Variants in BRAF observed in about 807,000 individuals in gnomAD.
The protein encoded by BRAF is serine/threonine-protein kinase B-raf.
A neutral mutation model predicts 104.6 loss-of-function variants in BRAF; 16 were observed. That is an observed-to-expected ratio of 0.15 (90% CI 0.10 to 0.23). BRAF has a LOEUF of 0.23. BRAF is among the 10% of genes least tolerant of loss of function. The pLI, the probability that BRAF is intolerant of heterozygous loss-of-function variation, is 1.00. For synonymous variants in BRAF, 310 were observed against 341.6 expected (o/e 0.91, Z 1.02); for missense variants, 541 against 937.3 (o/e 0.58, Z 5.52).
At chr7:140,876,267 T>C (rs1000963781) in intron 1 of BRAF, among the ~76,000 whole-genome samples, 1 of 152,246 alleles carries the variant, frequency 6.6e-6, no homozygotes, top group East Asian at 1.9e-4. Context: ...GTGAAAATGT[T>C]AAGTTTTTAT....
intron 7 of BRAF, among the ~76,000 whole-genome samples, chr7:140,797,812 G>A (rs899879098): frequency 6.6e-6 from 1 of 152,038 alleles, no homozygotes; most frequent in Admixed American, 6.6e-5. Context: ...TCTGTCAGGA[G>A]AAAATATTAT....
At position 140,856,185 on chromosome 7, in the gene BRAF, G is replaced by A. The variant is rs373500065; in HGVS notation, c.139-5973C>T. 6.6e-5 allele frequency among the ~76,000 whole-genome samples: 10 copies of A among 151,000 alleles called. No individual in the cohort carries two copies. The South Asian group carries it at 8.4e-4, about 13-fold the overall frequency. On this transcript the variant is annotated intron_variant, in intron 1 of 19. Coordinates refer to ENST00000644969, the MANE Select transcript of BRAF (RefSeq NM_001374258.1). ...AATCCAGTAACATAATACTTAATAG[G>A]TCAAAGGGGAAAACTACAGGACTAG...
intron 3 of BRAF, among the ~76,000 whole-genome samples, chr7:140,815,657 A>C (rs1804802042): frequency 6.7e-6 from 1 of 148,468 alleles, no homozygotes; most frequent in South Asian, 2.1e-4. Context: ...GCTGGTCTCG[A>C]ACTCCTTACC....
downstream of BRAF, among the ~76,000 whole-genome samples, chr7:140,714,453 A>AAACT (rs1321624881): frequency 6.6e-6 from 1 of 152,096 alleles, no homozygotes; most frequent in Non-Finnish European, 1.5e-5. Flanking sequence ...CTGCAGCCTC[A>AAACT]AACTAACTTC....
chr7:140,924,641 C>G lies in BRAF; in HGVS notation c.63G>C (p.Gly21=). Residue 21 remains glycine (G), a synonymous_variant, in exon 1 of 20, where the codon GGG becomes GGC. Transcript: ENST00000644969. The surrounding 1 kb of genome is among the most constrained non-coding windows in gnomAD (Gnocchi z 4.2). ...CGGCGCCGGCCTCGGGCTCCATGTC[C>G]CCGTTGAACAGAGCCTGGCCCGGCT... ...GAEPGQALFN[G]DMEPEAGAGA... The G allele has an allele frequency of 1.3e-6, 2 of 1,485,098 alleles. No individual in the cohort carries two copies. The highest frequency in any genetic ancestry group is 1.8e-6 in the Non-Finnish European group (2 of 1,104,646). The allele number at this position is 1,485,098 out of a possible 1,614,324, so 92.0% of individuals were successfully genotyped here.
rs991656499 is a variant in BRAF at position 140,924,803 on chromosome 7, G to A, written c.-100C>T. The A allele has an allele frequency of 9.1e-4, 404 of 444,722 alleles. 2 individuals are homozygous for A. The highest frequency in any genetic ancestry group is 1.0e-3 in the Non-Finnish European group (260 of 256,446). 27.5% of individuals were successfully genotyped at this position (444,722 alleles called of 1,614,324 possible). A position where few individuals can be genotyped will look rare whatever the true frequency, so the allele number is the denominator to read the frequency against. ...GGCGGAGGCGGAGGCGGAGGCGGAG[G>A]AGCGGGGGGCGCGGGGGGCGCGGGG... On this transcript the variant is annotated 5_prime_UTR_variant, in exon 1 of 20. Transcript: ENST00000644969. The surrounding 1 kb of genome is among the most constrained non-coding windows in gnomAD (Gnocchi z 4.2).
At chr7:140,898,197 TA>T (rs1185834958) in intron 1 of BRAF, among the ~76,000 whole-genome samples, 1 of 151,830 alleles carries the variant, frequency 6.6e-6, no homozygotes, top group Non-Finnish European at 1.5e-5. Context: ...GCTTGCCTCT[TA>T]AAAAAATAAA....
chr7:140,716,176 C>T (rs1361152378), downstream of BRAF, among the ~76,000 whole-genome samples: 1 of 152,334 alleles, frequency 6.6e-6, no homozygotes, highest in South Asian at 2.1e-4. Context: ...ACTGATTTTA[C>T]AGCCTACTAA....
intron 19 of BRAF, chr7:140,732,395 C>G (rs892077762): frequency 4.0e-5 from 6 of 151,624 alleles, no homozygotes; most frequent in African/African-American, 9.7e-5. Flanking sequence ...AAACAAAACC[C>G]AAGAACAAAT....
chr7:140,767,178 A>AT (rs1799416120), intron 14 of BRAF, among the ~76,000 whole-genome samples: 1 of 151,296 alleles, frequency 6.6e-6, no homozygotes, highest in African/African-American at 2.4e-5. Flanking sequence ...TAATTTTTGT[A>AT]TTTTTTGGTA....
chr7:140,728,665 T>C (rs1325817784), intron 19 of BRAF, among the ~76,000 whole-genome samples: 1 of 152,188 alleles, frequency 6.6e-6, no homozygotes, highest in Non-Finnish European at 1.5e-5. Flanking sequence ...ATTCTTACTA[T>C]TGTTGCTTAC....
chr7:140,718,244 GCCA>G (rs1795179840), downstream of BRAF, among the ~76,000 whole-genome samples: 1 of 152,000 alleles, frequency 6.6e-6, no homozygotes, highest in Non-Finnish European at 1.5e-5. Context: ...ACAGGTGCTG[GCCA>G]CCATGCCCAG....
intron 16 of BRAF, 143 bp from the exon 16 acceptor site, chr7:140,749,561 TA>T: frequency 1.1e-6 from 1 of 881,496 alleles, no homozygotes; most frequent in East Asian, 2.7e-5. Flanking sequence ...GTCAAAGAAA[TA>T]AAACTGATTA....
In BRAF at chr7:140,924,787, G is replaced by T; in HGVS notation, c.-84C>A. 2.0e-6 allele frequency: 1 copy of T among 491,188 alleles called. No individual in the cohort carries two copies. The highest frequency in any genetic ancestry group is 3.5e-6 in the Non-Finnish European group (1 of 283,106). The allele number at this position is 491,188 out of a possible 1,614,324, so 30.4% of individuals were successfully genotyped here. Reference sequence around the variant, plus strand: ...GCGGAGAGCTGGGGGAGGCGGAGGCGGAGGCGGAGGCGGAGGAGCGGGGGG... The same window carrying T: ...GCGGAGAGCTGGGGGAGGCGGAGGCTGAGGCGGAGGCGGAGGAGCGGGGGG... On this transcript the variant is annotated 5_prime_UTR_variant, in exon 1 of 20. Coordinates refer to ENST00000644969, the MANE Select transcript of BRAF (RefSeq NM_001374258.1). The surrounding 1 kb of genome is among the most constrained non-coding windows in gnomAD (Gnocchi z 4.2).
At chr7:140,761,397 A>C (rs1270837551) in intron 14 of BRAF, among the ~76,000 whole-genome samples, 3 of 152,296 alleles carry the variant, frequency 2.0e-5, no homozygotes, top group African/African-American at 7.2e-5. Flanking sequence ...AGCACTAAAC[A>C]TGGAAAGGAA....
chr7:140,841,902 T>C (rs1297733235), intron 2 of BRAF, among the ~76,000 whole-genome samples: 1 of 152,186 alleles, frequency 6.6e-6, no homozygotes, highest in Non-Finnish European at 1.5e-5. Context: ...AATCTAAGGA[T>C]CTATTTAATT....
At chr7:140,735,713 T>C (rs1796353095) in intron 18 of BRAF, among the ~76,000 whole-genome samples, 1 of 151,300 alleles carries the variant, frequency 6.6e-6, no homozygotes. Flanking sequence ...CGCACCACCA[T>C]GCCCAGCTAA....
At chr7:140,855,284 G>A (rs1809649558) in intron 1 of BRAF, among the ~76,000 whole-genome samples, 1 of 151,882 alleles carries the variant, frequency 6.6e-6, no homozygotes, top group Non-Finnish European at 1.5e-5. Context: ...ATCCTAAAAG[G>A]GAGATGAAAA....
intron 17 of BRAF, among the ~76,000 whole-genome samples, chr7:140,748,553 A>C (rs1022664497): frequency 1.3e-5 from 2 of 152,174 alleles, no homozygotes; most frequent in Non-Finnish European, 2.9e-5. Context: ...AGTGTTTTCT[A>C]ATATATTAAC....
Sources: allele counts gnomAD v4.1 joint callset (sites outside exome capture counted in the v4.1 genomes callset), GRCh38; gene constraint gnomAD v4.1.1; non-coding constraint Gnocchi (gnomAD v3.1); transcripts MANE v1.5; gene names NCBI Gene and HGNC (gene_info 2026-07-23, HGNC 2026-07-21).